SHANK2: variants seen among roughly 807,000 people sequenced by gnomAD.
The protein encoded by SHANK2 is SH3 and multiple ankyrin repeat domains 2.
A neutral mutation model predicts 133.7 loss-of-function variants in SHANK2; 43 were observed. That is an observed-to-expected ratio of 0.32 (90% CI 0.25 to 0.41). SHANK2 has a LOEUF of 0.41. SHANK2 is among the 10% of genes least tolerant of loss of function. The pLI, the probability that SHANK2 is intolerant of heterozygous loss-of-function variation, is 1.00. For missense variants in SHANK2, 1,994 were observed against 2,235.8 expected, an observed-to-expected ratio of 0.89 and a Z score of 2.18; for synonymous variants, 1,017 against 952.8, an observed-to-expected ratio of 1.07 and a Z score of -1.24.
chr11:70,555,893 C>A (rs1004211413), intron 17 of SHANK2, among the ~76,000 whole-genome samples: 1 of 152,236 alleles, frequency 6.6e-6, no homozygotes, highest in Admixed American at 6.5e-5. Flanking sequence ...AAGGCCCTAA[C>A]TCTCTTCAAG....
chr11:70,662,715 A>C (rs1352784888), intron 15 of SHANK2, among the ~76,000 whole-genome samples: 1 of 152,046 alleles, frequency 6.6e-6, no homozygotes, highest in Admixed American at 6.5e-5. Context: ...AAAGAAACCA[A>C]AAAAGCTCCA....
chr11:70,709,916 G>A (rs1945743490), intron 14 of SHANK2, among the ~76,000 whole-genome samples: 1 of 152,134 alleles, frequency 6.6e-6, no homozygotes, highest in Non-Finnish European at 1.5e-5. Flanking sequence ...TGTCCTCGGA[G>A]CTGAGTCTAT....
intron 2 of SHANK2, among the ~76,000 whole-genome samples, chr11:71,186,728 G>A (rs946661388): frequency 1.3e-5 from 2 of 152,214 alleles, no homozygotes; most frequent in Admixed American, 6.5e-5. Flanking sequence ...TTAACTTTTC[G>A]GGTTAGTGGC....
At chr11:70,692,600 C>T (rs914471605) in intron 15 of SHANK2, among the ~76,000 whole-genome samples, 5 of 152,210 alleles carry the variant, frequency 3.3e-5, no homozygotes, top group Non-Finnish European at 7.3e-5. Context: ...GAAAGAGCCT[C>T]AGGAACCCAG....
At chr11:70,761,382 T>G (rs552040111) in intron 14 of SHANK2, among the ~76,000 whole-genome samples, 5 of 152,246 alleles carry the variant, frequency 3.3e-5, no homozygotes, top group African/African-American at 1.2e-4. Context: ...TCCAGCACTG[T>G]GAGAAAATCG....
At chr11:70,475,415 A>T (rs1555149928) in intron 25 of SHANK2, among the ~76,000 whole-genome samples, 1 of 152,202 alleles carries the variant, frequency 6.6e-6, no homozygotes, top group Admixed American at 6.5e-5. Flanking sequence ...CTAAAAGCAA[A>T]GGGAGTGACC....
At chr11:71,206,349 A>G (rs1954126629) in intron 2 of SHANK2, among the ~76,000 whole-genome samples, 1 of 152,156 alleles carries the variant, frequency 6.6e-6, no homozygotes, top group Non-Finnish European at 1.5e-5. Context: ...CGTGACTGTT[A>G]AACAGCTGTT....
intron 10 of SHANK2, among the ~76,000 whole-genome samples, chr11:70,924,605 C>T (rs953783583): frequency 5.9e-5 from 9 of 152,214 alleles, no homozygotes; most frequent in Admixed American, 6.5e-5. Flanking sequence ...TACAGGCACC[C>T]GTGACCATGC....
chr11:71,238,627 T>C (rs61887421), intron 1 of SHANK2, among the ~76,000 whole-genome samples: 3,415 of 152,326 alleles, frequency 0.022, 59 homozygotes, highest in Middle Eastern at 0.037. Flanking sequence ...GCCAGTGCTA[T>C]GCTCCCTCTG....
At chr11:70,844,332 G>A (rs986725448) in intron 11 of SHANK2, among the ~76,000 whole-genome samples, 1 of 151,920 alleles carries the variant, frequency 6.6e-6, no homozygotes, top group Non-Finnish European at 1.5e-5. Flanking sequence ...ATTGCCATGC[G>A]TTTTTCCATT....
At chr11:70,705,649 G>A (rs1311750619) in intron 14 of SHANK2, 1 of 152,224 alleles carries the variant, frequency 6.6e-6, no homozygotes. Flanking sequence ...GTATTGACTT[G>A]TCTGCTTCCT....
At chr11:71,079,128 T>A (rs1287317108) in intron 8 of SHANK2, among the ~76,000 whole-genome samples, 2 of 152,254 alleles carry the variant, frequency 1.3e-5, no homozygotes, top group Non-Finnish European at 2.9e-5. Context: ...CCCGTGAAGG[T>A]GTGATGCTGA....
chr11:71,150,061 A>G (rs111218951), intron 2 of SHANK2, among the ~76,000 whole-genome samples: 1 of 618 alleles, frequency 1.6e-3, no homozygotes, highest in Non-Finnish European at 3.4e-3. Flanking sequence ...GGAGGGAGGG[A>G]GAGGAAAGGA....
intron 6 of SHANK2, among the ~76,000 whole-genome samples, chr11:71,097,469 T>G (rs552828935): frequency 8.5e-5 from 13 of 152,318 alleles, no homozygotes; most frequent in African/African-American, 3.1e-4. Flanking sequence ...ATTTCTTTAG[T>G]TTTAAAAATA....
At chr11:70,632,977 A>T (rs1193095264) in intron 17 of SHANK2, among the ~76,000 whole-genome samples, 5 of 151,924 alleles carry the variant, frequency 3.3e-5, no homozygotes, top group Admixed American at 2.6e-4. Flanking sequence ...GGGCAGGGGG[A>T]CAAGGACAGG....
At chr11:71,161,392 C>T (rs1178228186) in intron 2 of SHANK2, among the ~76,000 whole-genome samples, 1 of 152,036 alleles carries the variant, frequency 6.6e-6, no homozygotes, top group Non-Finnish European at 1.5e-5. Context: ...ATAGAGAATC[C>T]CCTTCCCTTT....
intron 11 of SHANK2, among the ~76,000 whole-genome samples, chr11:70,871,741 A>C (rs1555070241): frequency 1.1e-4 from 17 of 152,144 alleles, no homozygotes. Flanking sequence ...TTTACAGCAA[A>C]CTGTGGCCAC....
intron 2 of SHANK2, among the ~76,000 whole-genome samples, chr11:71,193,365 A>G (rs536758588): frequency 3.6e-4 from 55 of 152,054 alleles, no homozygotes; most frequent in Non-Finnish European, 6.8e-4. Context: ...ATACATGTAT[A>G]TGTGTGCACA....
chr11:70,669,906 C>T (rs12284038), intron 15 of SHANK2, among the ~76,000 whole-genome samples: 5,430 of 152,286 alleles, frequency 0.036, 343 homozygotes, highest in African/African-American at 0.12. Context: ...TCACTCACGG[C>T]CAAACAAGTT....
Sources: allele counts gnomAD v4.1 joint callset (sites outside exome capture counted in the v4.1 genomes callset), GRCh38; gene constraint gnomAD v4.1.1; transcripts MANE v1.5; gene names NCBI Gene and HGNC (gene_info 2026-07-23, HGNC 2026-07-21).